Variants in NRXN1 observed in about 807,000 individuals in gnomAD.
NRXN1 encodes the protein neurexin 1.
A neutral mutation model predicts 150.9 loss-of-function variants in NRXN1; 39 were observed. The ratio of observed to expected loss-of-function variants is 0.26; its 90% CI spans 0.20 to 0.34. NRXN1 has a LOEUF of 0.34. Among genes scored for constraint, NRXN1 ranks in the 10% least tolerant of loss-of-function variants. The pLI is 1.00. For missense variants in NRXN1, 1,815 were observed against 1,949.9 expected (o/e 0.93, Z 1.30); for synonymous variants, 924 against 757.0 (o/e 1.22, Z -3.62).
At chr2:50,503,743 G>A (rs899496923) in intron 13 of NRXN1, among the ~76,000 whole-genome samples, 1 of 152,050 alleles carries the variant, frequency 6.6e-6, no homozygotes, top group Admixed American at 6.6e-5. Context: ...ACTAAATCTA[G>A]GGCAAAATTT....
At chr2:50,102,497 C>A (rs187608373) in intron 18 of NRXN1, among the ~76,000 whole-genome samples, 1 of 152,056 alleles carries the variant, frequency 6.6e-6, no homozygotes. Context: ...TTTTACTATA[C>A]TCCTGGCACT....
rs187015640 is a variant in NRXN1, at chr2:50,674,719, C to T, written c.833-51104G>A. Among the ~76,000 whole-genome samples, 5 of 152,092 alleles carry T rather than the reference C, an allele frequency of 3.3e-5. No individual in the cohort carries two copies. In the East Asian group the frequency reaches 7.8e-4, roughly 24 times the overall value. Reference sequence around the variant, plus strand: ...AGTGGTAAAAGTTGAAAATGACTCCCAGGTTTTTAGCTTGGGTGAATAATG... The same window carrying T: ...AGTGGTAAAAGTTGAAAATGACTCCTAGGTTTTTAGCTTGGGTGAATAATG... On this transcript the variant is annotated intron_variant, in intron 5 of 22. Transcript: ENST00000401669.
chr2:50,118,515 T>C (rs1703392703), intron 18 of NRXN1, among the ~76,000 whole-genome samples: 1 of 152,120 alleles, frequency 6.6e-6, no homozygotes, highest in African/African-American at 2.4e-5. Flanking sequence ...AATTGGTGTG[T>C]GTTTCAGCTA....
At chr2:50,203,732 AT>A (rs752926733) in intron 18 of NRXN1, among the ~76,000 whole-genome samples, 32 of 152,292 alleles carry the variant, frequency 2.1e-4, no homozygotes, top group Admixed American at 1.1e-3. Context: ...TATTTGTGTT[AT>A]ATTACATGCA....
chr2:50,286,346 A>T (rs1298173448), intron 17 of NRXN1, among the ~76,000 whole-genome samples: 1 of 152,072 alleles, frequency 6.6e-6, no homozygotes, highest in Non-Finnish European at 1.5e-5. Flanking sequence ...TCTGAGATCA[A>T]CTTTTTTCGA....
intron 5 of NRXN1, among the ~76,000 whole-genome samples, chr2:50,894,803 A>T (rs946514860): frequency 5.9e-5 from 9 of 152,176 alleles, no homozygotes; most frequent in African/African-American, 1.7e-4. Context: ...CTACATTTTT[A>T]AATTAATTAG....
intron 12 of NRXN1, among the ~76,000 whole-genome samples, chr2:50,523,030 C>G (rs2092839900): frequency 6.6e-6 from 1 of 152,120 alleles, no homozygotes; most frequent in African/African-American, 2.4e-5. Context: ...CCACAGCACC[C>G]AGCCTCAATT....
chr2:50,311,531 G>A (rs941050934), intron 17 of NRXN1, among the ~76,000 whole-genome samples: 10 of 152,038 alleles, frequency 6.6e-5, no homozygotes, highest in African/African-American at 9.7e-5. Context: ...ACAGCAACTT[G>A]TGTACTCCCC....
chr2:49,942,434 C>T (rs1302016957), intron 22 of NRXN1, among the ~76,000 whole-genome samples: 2 of 151,994 alleles, frequency 1.3e-5, no homozygotes, highest in Admixed American at 6.6e-5. Flanking sequence ...CTCTAAAGAG[C>T]GGATTTACTC....
At chr2:50,380,975 T>C (rs1320642416) in intron 17 of NRXN1, among the ~76,000 whole-genome samples, 1 of 152,176 alleles carries the variant, frequency 6.6e-6, no homozygotes, top group African/African-American at 2.4e-5. Flanking sequence ...CTGTACTTCC[T>C]CTATCATAGC....
At chr2:50,394,974 G>T (rs1318042959) in intron 17 of NRXN1, among the ~76,000 whole-genome samples, 1 of 151,112 alleles carries the variant, frequency 6.6e-6, no homozygotes, top group Non-Finnish European at 1.5e-5. Context: ...TTCATTCTAG[G>T]GTATAATAAA....
At chr2:50,745,036 G>A (rs1699850029) in intron 5 of NRXN1, among the ~76,000 whole-genome samples, 1 of 152,080 alleles carries the variant, frequency 6.6e-6, no homozygotes, top group Non-Finnish European at 1.5e-5. Context: ...GCATGCGGCT[G>A]GAAGGCATGC....
chr2:50,076,653 G>A lies in NRXN1; in HGVS notation c.3718+14670C>T, dbSNP rs143594421. ...AACCTGCACACTTAACTTGCATTAA[G>A]TTTGTAGCATATGTCTGGTTTGATC... On this transcript the variant is annotated intron_variant, in intron 19 of 22. Coordinates refer to ENST00000401669, the MANE Select transcript of NRXN1 (RefSeq NM_001330078.2). 2.4e-3 allele frequency among the ~76,000 whole-genome samples: 363 copies of A among 152,302 alleles called. 2 individuals carry two copies. Among genetic ancestry groups the A allele is most frequent in the Non-Finnish European group, 4.1e-3 (282 of 68,032 alleles).
At chr2:49,975,110 A>C (rs1573161875) in intron 21 of NRXN1, among the ~76,000 whole-genome samples, 1 of 150,392 alleles carries the variant, frequency 6.6e-6, no homozygotes, top group African/African-American at 2.4e-5. Context: ...ACATATACAT[A>C]CAATTATATA....
chr2:49,921,534 C>T lies in NRXN1; in HGVS notation c.*410G>A. 5.9e-6 allele frequency: 1 copy of T among 170,594 alleles called. No individual in the cohort carries two copies. 10.6% of individuals were successfully genotyped at this position (170,594 alleles called of 1,614,324 possible). A position where few individuals can be genotyped will look rare whatever the true frequency, so the allele number is the denominator to read the frequency against. ...ATTGGACTGACTTCTCAGGAAAGCG[C>T]TAGCACTTTGGCTAAATCCAGGATC... is the stretch of plus-strand genomic sequence containing the variant. On this transcript the variant is annotated 3_prime_UTR_variant, in exon 23 of 23. Coordinates refer to ENST00000401669, the MANE Select transcript of NRXN1 (RefSeq NM_001330078.2).
At chr2:50,571,595 T>C (rs1214279310) in intron 8 of NRXN1, among the ~76,000 whole-genome samples, 4 of 152,126 alleles carry the variant, frequency 2.6e-5, no homozygotes, top group Non-Finnish European at 5.9e-5. Context: ...ATTTTTAAAG[T>C]ACATAGTGAG....
chr2:50,088,044 A>G (rs1164128243), intron 19 of NRXN1, among the ~76,000 whole-genome samples: 1 of 152,154 alleles, frequency 6.6e-6, no homozygotes, highest in Non-Finnish European at 1.5e-5. Flanking sequence ...TTCTCTGAGT[A>G]TAAGACTTGG....
At chr2:50,656,350 A>C in intron 5 of NRXN1, 1 of 776,370 alleles carries the variant, frequency 1.3e-6, no homozygotes, top group Non-Finnish European at 2.4e-6. Flanking sequence ...TCTAAAGAGT[A>C]CCTGAGTCTG....
intron 18 of NRXN1, among the ~76,000 whole-genome samples, chr2:50,120,738 G>A (rs575532407): frequency 6.6e-6 from 1 of 151,408 alleles, no homozygotes; most frequent in African/African-American, 2.4e-5. Context: ...ATACATACCG[G>A]TTAAGTTATT....
Sources: allele counts gnomAD v4.1 joint callset (sites outside exome capture counted in the v4.1 genomes callset), GRCh38; gene constraint gnomAD v4.1.1; transcripts MANE v1.5; gene names NCBI Gene and HGNC (gene_info 2026-07-23, HGNC 2026-07-21).